Variants in KDM5A observed in about 807,000 individuals in gnomAD.
KDM5A encodes lysine-specific demethylase 5A.
A neutral mutation model predicts 193.5 loss-of-function variants in KDM5A; 42 were observed. That is an observed-to-expected ratio of 0.22 (90% confidence interval 0.17 to 0.28). KDM5A has a LOEUF of 0.28. KDM5A is among the 10% of genes least tolerant of loss of function. KDM5A has a pLI of 1.00. For missense variants in KDM5A, 1,692 were observed against 2,055.1 expected (o/e 0.82, Z 3.42); for synonymous variants, 796 against 718.1 (o/e 1.11, Z -1.73).
rs146674492 is a variant in KDM5A at position 295,473 on chromosome 12, T to A, written c.4455+100A>T. 153 of 1,110,358 alleles carry A rather than the reference T, an allele frequency of 1.4e-4. No homozygotes were observed. In the East Asian group the frequency reaches 2.4e-3, roughly 18 times the overall value. The allele number at this position is 1,110,358 out of a possible 1,614,324, so 68.8% of individuals were successfully genotyped here. A position where few individuals can be genotyped will look rare whatever the true frequency, so the allele number is the denominator to read the frequency against. On this transcript the variant is annotated intron_variant, in intron 26 of 27. Coordinates refer to ENST00000399788, the MANE Select transcript of KDM5A (RefSeq NM_001042603.3). ...AAGTGGGAAAGTAGACCAGCCAGAT[T>A]ACTGCCCTCAGCCACCCCTTTGCCA... is the stretch of plus-strand genomic sequence containing the variant.
intron 3 of KDM5A, among the ~76,000 whole-genome samples, chr12:376,851 G>C (rs1944511560): frequency 6.6e-6 from 1 of 152,090 alleles, no homozygotes; most frequent in South Asian, 2.1e-4. Flanking sequence ...GACCAAGAAA[G>C]GAACCAAATA....
intron 26 of KDM5A, among the ~76,000 whole-genome samples, chr12:294,183 C>CA (rs1033454447): frequency 6.5e-4 from 98 of 151,590 alleles, no homozygotes; most frequent in African/African-American, 2.1e-3. Flanking sequence ...TGTGACAAAG[C>CA]AAAAAAAATT....
At chr12:341,911 AAGAG>A (rs1555134284) in intron 10 of KDM5A, among the ~76,000 whole-genome samples, 10 of 143,242 alleles carry the variant, frequency 7.0e-5, no homozygotes, top group Non-Finnish European at 1.1e-4. Context: ...AAAAAAAAAA[AAGAG>A]AGAGAGAGAA....
At chr12:352,436 C>G in intron 8 of KDM5A, 112 bp from the exon 9 acceptor site, 1 of 874,166 alleles carries the variant, frequency 1.1e-6, no homozygotes, top group South Asian at 1.4e-5. Flanking sequence ...TAAATCCAGT[C>G]AACCCTAGAC....
At position 362,852 on chromosome 12, in the gene KDM5A, A is replaced by G. The variant is rs1944308965; in HGVS notation, c.672+111T>C. On this transcript the variant is annotated intron_variant, in intron 5 of 27. Transcript: ENST00000399788. Reference sequence around the variant, plus strand: ...AGCGCATACCAACCAGCAATACTCAAGAGGCGGAGGCAAGAGGATCACTTG... The same window carrying G: ...AGCGCATACCAACCAGCAATACTCAGGAGGCGGAGGCAAGAGGATCACTTG... 1.5e-5 allele frequency: 15 copies of G among 979,322 alleles called. No individual in the cohort carries two copies. In the South Asian group the frequency reaches 1.6e-4, roughly 11 times the overall value. The allele number at this position is 979,322 out of a possible 1,614,324, so 60.7% of individuals were successfully genotyped here. A position where few individuals can be genotyped will look rare whatever the true frequency, so the allele number is the denominator to read the frequency against.
chr12:342,529 G>A (rs1944019506), intron 10 of KDM5A, among the ~76,000 whole-genome samples: 1 of 151,848 alleles, frequency 6.6e-6, no homozygotes, highest in Non-Finnish European at 1.5e-5. Flanking sequence ...GCATGATCTC[G>A]GCTCACTGCA....
At chr12:354,295 G>T in intron 7 of KDM5A, 61 bp from the exon 8 acceptor site, 1 of 1,181,374 alleles carries the variant, frequency 8.5e-7, no homozygotes, top group Non-Finnish European at 1.2e-6. Context: ...TTTTTACCAG[G>T]AACTCCTTAG....
At chr12:311,293 G>T in intron 20 of KDM5A, 1 of 535,984 alleles carries the variant, frequency 1.9e-6, no homozygotes. Context: ...TTAATTGAGA[G>T]TACCAGTAGA....
rs753286173 is a variant in KDM5A, at chr12:320,992, C to T, written c.2541+3G>A. On this transcript the variant is annotated splice_donor_region_variant and intron_variant, in intron 18 of 27. Coordinates refer to ENST00000399788, the MANE Select transcript of KDM5A (RefSeq NM_001042603.3). ...TACCCAAAAAAAGGATGTAATACTC[C>T]ACCTTTACTTGCCGAGCTTGGCTGA... is the stretch of plus-strand genomic sequence containing the variant. The T allele has an allele frequency of 6.2e-7, 1 of 1,600,022 alleles. No homozygotes were observed. The highest frequency in any genetic ancestry group is 1.3e-5 in the African/African-American group (1 of 74,778).
At chr12:305,979 T>TTTG (rs1454909513) in intron 24 of KDM5A, among the ~76,000 whole-genome samples, 31 of 143,642 alleles carry the variant, frequency 2.2e-4, no homozygotes, top group African/African-American at 7.7e-4. Flanking sequence ...GTTTTTTTTT[T>TTTG]TTTTTTTTTT....
At chr12:289,553 A>T in intron 27 of KDM5A, among the ~76,000 whole-genome samples, 1 of 151,856 alleles carries the variant, frequency 6.6e-6, no homozygotes, top group Non-Finnish European at 1.5e-5. Flanking sequence ...TTAAAAGAGC[A>T]TTTCTCAAAA....
Position 282,198 on chromosome 12 carries a change from G to A in KDM5A, c.*3258C>T. 1 of 246,786 alleles carries A rather than the reference G, an allele frequency of 4.1e-6. No homozygotes were observed. Among genetic ancestry groups the A allele is most frequent in the East Asian group, 6.0e-5 (1 of 16,746 alleles). 15.3% of individuals were successfully genotyped at this position (246,786 alleles called of 1,614,324 possible). On this transcript the variant is annotated 3_prime_UTR_variant, in exon 28 of 28. Coordinates refer to ENST00000399788, the MANE Select transcript of KDM5A (RefSeq NM_001042603.3). Reference sequence around the variant, plus strand: ...AAGAGAGAGACAGACAGACACATGGGGTCTCGCTGTTGACCAGGCGGGACT... The same window carrying A: ...AAGAGAGAGACAGACAGACACATGGAGTCTCGCTGTTGACCAGGCGGGACT...
intron 14 of KDM5A, among the ~76,000 whole-genome samples, chr12:327,305 A>G (rs1943803182): frequency 6.6e-6 from 1 of 152,240 alleles, no homozygotes; most frequent in African/African-American, 2.4e-5. Context: ...ATCGTATTTC[A>G]TGAGTCTCCA....
chr12:377,915 T>C (rs1427074041), intron 3 of KDM5A, among the ~76,000 whole-genome samples: 2 of 152,138 alleles, frequency 1.3e-5, no homozygotes, highest in African/African-American at 4.8e-5. Flanking sequence ...TGATAGATTA[T>C]TTGATGGGTA....
intron 5 of KDM5A, among the ~76,000 whole-genome samples, chr12:359,820 G>A (rs1249831154): frequency 2.7e-5 from 4 of 147,742 alleles, no homozygotes; most frequent in Non-Finnish European, 6.0e-5. Flanking sequence ...GGAGAAGGGA[G>A]GCAAGGAGGG....
intron 27 of KDM5A, among the ~76,000 whole-genome samples, chr12:289,464 T>C (rs549527075): frequency 6.6e-6 from 1 of 152,270 alleles, no homozygotes; most frequent in African/African-American, 2.4e-5. Context: ...TATTCTGGTA[T>C]TGTCTTCCTT....
intron 3 of KDM5A, among the ~76,000 whole-genome samples, chr12:378,854 G>C (rs775933269): frequency 1.1e-4 from 16 of 151,948 alleles, no homozygotes; most frequent in African/African-American, 3.6e-4. Flanking sequence ...AGCTACGCGG[G>C]AGGCTGAGGC....
chr12:358,926 A>G (rs1944259938), intron 5 of KDM5A, among the ~76,000 whole-genome samples: 1 of 152,006 alleles, frequency 6.6e-6, no homozygotes, highest in Admixed American at 6.6e-5. Flanking sequence ...AGCTGAGATC[A>G]TGCCACTGCA....
rs1943207330 is a variant in KDM5A at position 285,365 on chromosome 12, A to G, written c.*91T>C. 5.3e-6 allele frequency: 6 copies of G among 1,139,124 alleles called. No individual in the cohort carries two copies. Among genetic ancestry groups the G allele is most frequent in the Non-Finnish European group, 7.9e-6 (6 of 759,090 alleles). 70.6% of individuals were successfully genotyped at this position (1,139,124 alleles called of 1,614,324 possible). ...TGAAGGCCATTCATCTTTGGAAGCA[A>G]CATTCCAAGTGGATATAAACCACTC... On this transcript the variant is annotated 3_prime_UTR_variant, in exon 28 of 28. Transcript: ENST00000399788.
Sources: allele counts gnomAD v4.1 joint callset (sites outside exome capture counted in the v4.1 genomes callset), GRCh38; gene constraint gnomAD v4.1.1; transcripts MANE v1.5; gene names NCBI Gene and HGNC (gene_info 2026-07-23, HGNC 2026-07-21).